Variants in CCDC66 observed in about 807,000 individuals in gnomAD.
The protein encoded by CCDC66 is coiled-coil domain containing 66, also known as coiled-coil domain-containing protein 66.
A neutral mutation model predicts 128.3 loss-of-function variants in CCDC66; 133 were observed. That is an observed-to-expected ratio of 1.04 (90% CI 0.90 to 1.20). The LOEUF (loss-of-function observed/expected upper bound fraction) is 1.20, where lower values mean the gene tolerates loss of function less well. CCDC66 is among the 50% of genes most tolerant of loss of function. The pLI is 0.00. For synonymous variants in CCDC66, 387 were observed against 357.0 expected (o/e 1.08, Z -0.95); for missense variants, 1,126 against 1,075.5 (o/e 1.05, Z -0.66).
At chr3:56,609,653 T>G (rs2074531638) in intron 10 of CCDC66, among the ~76,000 whole-genome samples, 4 of 152,250 alleles carry the variant, frequency 2.6e-5, no homozygotes. Context: ...TTTTTGTTTT[T>G]GTTTTTTAAC....
Position 56,617,085 on chromosome 3 carries a change from T to A in CCDC66, c.1844-27T>A, listed in dbSNP as rs190407436. The A allele has an allele frequency of 5.4e-5, 80 of 1,481,242 alleles. No homozygotes were observed. In the Admixed American group the frequency reaches 1.5e-3, roughly 28 times the overall value. 91.8% of individuals were successfully genotyped at this position (1,481,242 alleles called of 1,614,324 possible). On this transcript the variant is annotated intron_variant, in intron 13 of 17. Transcript: ENST00000394672. ...TATTGAAAATTTTGTTTACAATTTT[T>A]AAAAATCATTTGCAACTTTTTTTTA...
At chr3:56,621,366 T>C (rs2076590955) in intron 17 of CCDC66, 166 bp from the exon 18 acceptor site, 2 of 445,054 alleles carry the variant, frequency 4.5e-6, no homozygotes, top group Non-Finnish European at 4.0e-6. Flanking sequence ...GATAGCTATA[T>C]ATCCAAATGA....
chr3:56,583,001 A>G (rs978449806), intron 7 of CCDC66, among the ~76,000 whole-genome samples: 1 of 150,884 alleles, frequency 6.6e-6, no homozygotes. Flanking sequence ...TCTCAGCCTT[A>G]CAAGTAGCTG....
chr3:56,594,058 C>G, intron 10 of CCDC66, 30 bp downstream of exon 10: 1 of 1,570,888 alleles, frequency 6.4e-7, no homozygotes, highest in Non-Finnish European at 8.8e-7. Context: ...TGTTCTTTAC[C>G]TTAATAAGTA....
Position 56,621,666 on chromosome 3 carries a change from T to G in CCDC66, c.*48T>G. 1 of 1,297,926 alleles carries G rather than the reference T, an allele frequency of 7.7e-7. No homozygotes were observed. The highest frequency in any genetic ancestry group is 1.1e-6 in the Non-Finnish European group (1 of 916,004). The allele number at this position is 1,297,926 out of a possible 1,614,324, so 80.4% of individuals were successfully genotyped here. A position where few individuals can be genotyped will look rare whatever the true frequency, so the allele number is the denominator to read the frequency against. On this transcript the variant is annotated 3_prime_UTR_variant, in exon 18 of 18. Coordinates refer to ENST00000394672, the MANE Select transcript of CCDC66 (RefSeq NM_001141947.3). ...CATTTGATTTGTGTCTTCCAAATTATAAAATGTGCTCACTGGCTCAACTGT... is the reference window on the plus strand; with the variant it reads ...CATTTGATTTGTGTCTTCCAAATTAGAAAATGTGCTCACTGGCTCAACTGT...
Position 56,619,402 on chromosome 3 carries a change from C to T in CCDC66, c.2510C>T (p.Ser837Leu), listed in dbSNP as rs748133456. The change falls in exon 16 of 18, where the codon TCA (serine) becomes TTA (leucine). Residue 837 changes from serine to leucine, a missense_variant. By Grantham distance (145) the Ser-to-Leu change is moderately radical. Transcript: ENST00000394672. ...TCAGGAAGTAATCAAACAGAATTAT[C>T]ATCTGGGATTTCTGAATCATCCCAT... ...LISGSNQTEL[S>L]SGISESSHFI... 2.5e-6 allele frequency: 4 copies of T among 1,613,874 alleles called. No individual in the cohort carries two copies. Among genetic ancestry groups the T allele is most frequent in the Non-Finnish European group, 3.4e-6 (4 of 1,179,942 alleles).
chr3:56,590,132 G>A (rs989724882), intron 7 of CCDC66, among the ~76,000 whole-genome samples: 15 of 152,138 alleles, frequency 9.9e-5, no homozygotes, highest in Non-Finnish European at 1.9e-4. Flanking sequence ...GCAGGTGGAT[G>A]TTGTCATCTT....
chr3:56,585,124 AG>A (rs1234473345), intron 7 of CCDC66, among the ~76,000 whole-genome samples: 1 of 55,362 alleles, frequency 1.8e-5, no homozygotes, highest in Non-Finnish European at 7.4e-5. Context: ...GGAGGGGGAG[AG>A]GGAGAGGGAG....
intron 10 of CCDC66, among the ~76,000 whole-genome samples, chr3:56,604,575 T>TC (rs1401656336): frequency 6.6e-6 from 1 of 151,852 alleles, no homozygotes; most frequent in Non-Finnish European, 1.5e-5. Flanking sequence ...GGTTGAAAAT[T>TC]CTTTTTTTTT....
chr3:56,583,773 C>T (rs1476927884), intron 7 of CCDC66, among the ~76,000 whole-genome samples: 11 of 151,884 alleles, frequency 7.2e-5, no homozygotes, highest in African/African-American at 1.9e-4. Context: ...TCCACAAAAC[C>T]GCCATCGTCA....
intron 7 of CCDC66, 31 bp from the exon 8 acceptor site, chr3:56,592,939 A>G: frequency 6.3e-7 from 1 of 1,597,106 alleles, no homozygotes; most frequent in Non-Finnish European, 8.5e-7. Flanking sequence ...AGAGAACTGA[A>G]CTTTAGATGG....
At chr3:56,600,443 G>A (rs939263010) in intron 10 of CCDC66, among the ~76,000 whole-genome samples, 6 of 151,838 alleles carry the variant, frequency 4.0e-5, no homozygotes, top group Non-Finnish European at 5.9e-5. Context: ...CACCGCGCCC[G>A]GCTGCATGTA....
intron 7 of CCDC66, 128 bp from the exon 8 acceptor site, chr3:56,592,842 T>C (rs751102813): frequency 2.3e-6 from 2 of 863,384 alleles, no homozygotes; most frequent in Non-Finnish European, 1.8e-6. Flanking sequence ...CGTTTGAAGT[T>C]ATTGCTCCTC....
intron 7 of CCDC66, among the ~76,000 whole-genome samples, chr3:56,591,590 A>G (rs1039073472): frequency 1.3e-5 from 2 of 152,226 alleles, no homozygotes; most frequent in Non-Finnish European, 2.9e-5. Flanking sequence ...AGGTTGGACA[A>G]TGCTCGTTTT....
rs931918216 is a variant in CCDC66 at position 56,581,213 on chromosome 3, G to T, written c.936+9911G>T. 5.9e-5 allele frequency among the ~76,000 whole-genome samples: 9 copies of T among 151,890 alleles called. 1 individual carries two copies. The highest frequency in any genetic ancestry group is 1.3e-4 in the Admixed American group (2 of 15,102). ...TTGATCAAATTAGCTACTGAAGCTTGTGCATTTGTCATGTAGTTCTCGTGC... is the reference window on the plus strand; with the variant it reads ...TTGATCAAATTAGCTACTGAAGCTTTTGCATTTGTCATGTAGTTCTCGTGC... On this transcript the variant is annotated intron_variant, in intron 7 of 17. Coordinates refer to ENST00000394672, the MANE Select transcript of CCDC66 (RefSeq NM_001141947.3).
intron 1 of CCDC66, 94 bp downstream of exon 1, chr3:56,557,347 T>C: frequency 1.1e-5 from 16 of 1,482,238 alleles, no homozygotes; most frequent in Non-Finnish European, 1.4e-5. Flanking sequence ...TTGGAGTCTT[T>C]ACTGGAGAAC....
At chr3:56,620,394 GCT>G in intron 17 of CCDC66, 1 of 152,910 alleles carries the variant, frequency 6.5e-6, no homozygotes, top group East Asian at 1.9e-4. Context: ...ACTTCTTTTT[GCT>G]CTCTGATTAA....
Position 56,594,016 on chromosome 3 carries a change from A to G in CCDC66, c.1392A>G (p.Gln464=). ...AACGAGACAGACGACGACAAAAACA[A>G]TTAGAGCATCAGGTATTGCATTGTT... is the stretch of plus-strand genomic sequence containing the variant. ...IEERDRRRQK[Q]LEHQKAITAQ... is the part of the protein sequence containing the mutation. The change falls in exon 10 of 18, where the codon CAA becomes CAG. Residue 464 remains glutamine (Q), a synonymous_variant. Coordinates refer to ENST00000394672, the MANE Select transcript of CCDC66 (RefSeq NM_001141947.3). 1.9e-6 allele frequency: 3 copies of G among 1,613,862 alleles called. No homozygotes were observed. Among genetic ancestry groups the G allele is most frequent in the Non-Finnish European group, 2.5e-6 (3 of 1,179,700 alleles).
chr3:56,590,657 T>C (rs1177188900), intron 7 of CCDC66, among the ~76,000 whole-genome samples: 1 of 151,644 alleles, frequency 6.6e-6, no homozygotes, highest in Non-Finnish European at 1.5e-5. Context: ...TACTTGGGAA[T>C]CTGAGGCAGG....
Sources: gnomAD v4.1 joint callset for allele counts (sites outside exome capture counted in the v4.1 genomes callset) on GRCh38, gnomAD v4.1.1 for gene constraint, MANE v1.5 for transcripts, NCBI Gene and HGNC (gene_info 2026-07-23, HGNC 2026-07-21) for gene names.